Variants in OPA1 observed in about 807,000 individuals in gnomAD.
The protein encoded by OPA1 is dynamin-like GTPase OPA1, mitochondrial.
OPA1 carries 59 observed loss-of-function variants against 152.9 expected under a neutral mutation model. The observed-to-expected ratio is 0.39, with a 90% CI of 0.31 to 0.48. OPA1 has a LOEUF of 0.48. Among genes scored for constraint, OPA1 ranks in the 20% least tolerant of loss-of-function variants. OPA1 has a pLI of 0.96. For synonymous variants in OPA1, 400 were observed against 389.9 expected, an observed-to-expected ratio of 1.03 and a Z score of -0.31; for missense variants, 1,008 against 1,216.8, an observed-to-expected ratio of 0.83 and a Z score of 2.55.
At chr3:193,668,701 C>A in intron 29 of OPA1, 1 of 1,366,506 alleles carries the variant, frequency 7.3e-7, no homozygotes. Flanking sequence ...TAACCCAGGT[C>A]AGGCATTAAC....
At chr3:193,633,692 A>G (rs1277362065) in intron 8 of OPA1, among the ~76,000 whole-genome samples, 1 of 152,210 alleles carries the variant, frequency 6.6e-6, no homozygotes, top group South Asian at 2.1e-4. Context: ...AACCCAGTCT[A>G]TCCCAGATAG....
intron 25 of OPA1, 85 bp from the exon 26 acceptor site, chr3:193,662,737 T>A: frequency 9.5e-7 from 1 of 1,057,750 alleles, no homozygotes; most frequent in East Asian, 2.6e-5. Flanking sequence ...TATGCAATAG[T>A]AATGTATTTA....
intron 1 of OPA1, among the ~76,000 whole-genome samples, chr3:193,596,432 A>T (rs1239304456): frequency 1.3e-5 from 1 of 77,824 alleles, no homozygotes; most frequent in East Asian, 3.3e-4. Context: ...TTCACACAGG[A>T]TCTTGGCGTG....
chr3:193,682,373 G>A (rs1251483413), intron 29 of OPA1, among the ~76,000 whole-genome samples: 3 of 152,202 alleles, frequency 2.0e-5, no homozygotes, highest in Non-Finnish European at 4.4e-5. Context: ...TGCTGATGTA[G>A]CAGCTGCAGC....
intron 7 of OPA1, chr3:193,627,369 A>C (rs995027922): frequency 2.0e-5 from 3 of 152,192 alleles, no homozygotes; most frequent in African/African-American, 7.2e-5. Context: ...CTACCTGGTT[A>C]AATTAAAGTC....
At chr3:193,687,554 TGA>T (rs1176669772) in intron 29 of OPA1, among the ~76,000 whole-genome samples, 2 of 152,210 alleles carry the variant, frequency 1.3e-5, no homozygotes, top group African/African-American at 4.8e-5. Context: ...CACGTATTTC[TGA>T]GAGAAAGCAA....
At chr3:193,661,248 G>A (rs996535661) in intron 25 of OPA1, among the ~76,000 whole-genome samples, 1 of 152,188 alleles carries the variant, frequency 6.6e-6, no homozygotes, top group African/African-American at 2.4e-5. Context: ...CAGGATTTCA[G>A]GGCAGCATGT....
At chr3:193,692,615 A>G (rs141738865) in intron 30 of OPA1, among the ~76,000 whole-genome samples, 245 of 152,318 alleles carry the variant, frequency 1.6e-3, no homozygotes, top group African/African-American at 5.6e-3. Context: ...TAATTTATAT[A>G]GCCTTAGAAT....
chr3:193,645,342 C>A (rs529597954), intron 16 of OPA1, among the ~76,000 whole-genome samples: 9 of 151,952 alleles, frequency 5.9e-5, no homozygotes, highest in Non-Finnish European at 1.3e-4. Flanking sequence ...TCCGGGTTTT[C>A]GATACGTGTG....
At chr3:193,628,804 A>C (rs1211833957) in intron 7 of OPA1, among the ~76,000 whole-genome samples, 2 of 152,200 alleles carry the variant, frequency 1.3e-5, no homozygotes, top group Non-Finnish European at 2.9e-5. Flanking sequence ...AAATATATAA[A>C]AATTATCATC....
chr3:193,618,373 G>C (rs1729407649), intron 5 of OPA1, among the ~76,000 whole-genome samples: 1 of 151,990 alleles, frequency 6.6e-6, no homozygotes, highest in Non-Finnish European at 1.5e-5. Context: ...AGCTACTCGG[G>C]AGGCTGAGGC....
At chr3:193,692,004 C>T (rs1721752189) in intron 29 of OPA1, 59 bp from the exon 30 acceptor site, 1 of 1,004,104 alleles carries the variant, frequency 1.0e-6, no homozygotes, top group Non-Finnish European at 1.5e-6. Flanking sequence ...TAAATAATTA[C>T]CTCCTGATTT....
At chr3:193,642,870 A>G (rs1733991261) in intron 12 of OPA1, 25 bp downstream of exon 12, 1 of 1,571,270 alleles carries the variant, frequency 6.4e-7, no homozygotes, top group Non-Finnish European at 8.8e-7. Flanking sequence ...TCTAAGGTTG[A>G]TATGTGTAAT....
At chr3:193,597,856 C>T (rs1470980963) in intron 1 of OPA1, among the ~76,000 whole-genome samples, 2 of 151,892 alleles carry the variant, frequency 1.3e-5, no homozygotes, top group African/African-American at 4.8e-5. Flanking sequence ...AAGGGAGGGT[C>T]GCTTGAGCTC....
At chr3:193,618,822 T>A in intron 5 of OPA1, 47 bp from the exon 6 acceptor site, 1 of 1,432,330 alleles carries the variant, frequency 7.0e-7, no homozygotes, top group Non-Finnish European at 9.9e-7. Flanking sequence ...CAGCTTAGGC[T>A]GTTGACATCA....
At chr3:193,625,080 G>T (rs538453996) in intron 6 of OPA1, among the ~76,000 whole-genome samples, 1 of 151,986 alleles carries the variant, frequency 6.6e-6, no homozygotes, top group East Asian at 1.9e-4. Flanking sequence ...CATTAGGCTT[G>T]TAACATTGTC....
chr3:193,603,663 T>C (rs1246356359), intron 1 of OPA1: 1 of 152,206 alleles, frequency 6.6e-6, no homozygotes, highest in Non-Finnish European at 1.5e-5. Context: ...CTGTGTGACA[T>C]GTTCAGGTAA....
At position 193,617,799 on chromosome 3, in the gene OPA1, G is replaced by C. The variant is rs774414089; in HGVS notation, c.572G>C (p.Ser191Thr). 5.6e-6 allele frequency: 9 copies of C among 1,612,760 alleles called. No homozygotes were observed. Reference protein sequence around the residue: ...DFFTSGHKLVSEVIGASDLLL... With the variant: ...DFFTSGHKLVTEVIGASDLLL... Reference sequence around the variant, plus strand: ...TTTTTCACAGGTCACAAATTGGTTAGTGAAGTCATAGGAGCTTCTGACCTA... The same window carrying C: ...TTTTTCACAGGTCACAAATTGGTTACTGAAGTCATAGGAGCTTCTGACCTA... Residue 191 changes from serine (S) to threonine (T), a missense_variant, in exon 5 of 31, where the codon AGT becomes ACT. By Grantham distance (58) the Ser-to-Thr change is moderately conservative (BLOSUM62 1). This residue lies in a region of OPA1 where 408 missense variants were observed against 395.1 expected (regional missense o/e 1.03). Transcript: ENST00000361510.
At chr3:193,603,734 C>A (rs918129472) in intron 1 of OPA1, among the ~76,000 whole-genome samples, 1 of 152,188 alleles carries the variant, frequency 6.6e-6, no homozygotes, top group African/African-American at 2.4e-5. Context: ...TCTATTAACT[C>A]ATTTTGGGTG....
Sources: allele counts gnomAD v4.1 joint callset (sites outside exome capture counted in the v4.1 genomes callset), GRCh38; gene constraint gnomAD v4.1.1; regional missense constraint gnomAD v4.1.1; transcripts MANE v1.5; gene names NCBI Gene and HGNC (gene_info 2026-07-23, HGNC 2026-07-21).